The following LAMB1 variants were observed in gnomAD, a reference collection of about 807,000 sequenced individuals.
LAMB1 encodes laminin subunit beta 1.
In LAMB1, 121 loss-of-function variants were observed where a neutral mutation model predicts 222.3. The ratio of observed to expected loss-of-function variants is 0.54; its 90% CI spans 0.47 to 0.63. The LOEUF is 0.63. LAMB1 is among the 30% of genes least tolerant of loss of function. The probability of loss-of-function intolerance (pLI) is 0.00; values close to 1 mark genes in which losing one functional copy is unlikely to be tolerated. For synonymous variants in LAMB1, 794 were observed against 807.2 expected, an observed-to-expected ratio of 0.98 and a Z score of 0.28; for missense variants, 2,172 against 2,240.8, an observed-to-expected ratio of 0.97 and a Z score of 0.62.
chr7:107,963,880 C>T (rs2033566634), intron 14 of LAMB1, among the ~76,000 whole-genome samples: 1 of 152,212 alleles, frequency 6.6e-6, no homozygotes, highest in South Asian at 2.1e-4. Flanking sequence ...GGGCGGATCA[C>T]CTGAGGTCGG....
At chr7:107,930,090 T>C in intron 29 of LAMB1, 1 of 159,278 alleles carries the variant, frequency 6.3e-6, no homozygotes. Context: ...GCTCAGAAAC[T>C]TGTGAATGCA....
chr7:108,002,920 G>A lies in LAMB1; in HGVS notation c.-35C>T, dbSNP rs1397973572. 2 of 1,612,622 alleles carry A rather than the reference G, an allele frequency of 1.2e-6. No homozygotes were observed. On this transcript the variant is annotated 5_prime_UTR_variant, in exon 2 of 34. Transcript: ENST00000222399. ...CTGCAGCCACGGGGACGCGGCAGAG[G>A]AGTGGAGAAGACGCCCGCCGAGCCG...
chr7:107,924,159 T>C (rs1401546005), intron 33 of LAMB1, 71 bp downstream of exon 33: 3 of 1,530,454 alleles, frequency 2.0e-6, no homozygotes, highest in Non-Finnish European at 2.6e-6. Context: ...AGTGAATATA[T>C]TTTTCACTTT....
chr7:107,966,648 G>C (rs1445785487), intron 13 of LAMB1, among the ~76,000 whole-genome samples: 1 of 152,136 alleles, frequency 6.6e-6, no homozygotes, highest in African/African-American at 2.4e-5. Context: ...TACATCATAT[G>C]GACAAAAGAA....
chr7:107,980,919 G>T, intron 7 of LAMB1, 108 bp from the exon 8 acceptor site: 1 of 649,912 alleles, frequency 1.5e-6, no homozygotes, highest in Non-Finnish European at 2.7e-6. Flanking sequence ...CATGAAAATA[G>T]CTTAAGTTCC....
At chr7:107,928,586 C>T (rs957568842) in intron 31 of LAMB1, among the ~76,000 whole-genome samples, 4 of 151,910 alleles carry the variant, frequency 2.6e-5, no homozygotes, top group South Asian at 2.1e-4. Context: ...TCGACCTCCC[C>T]GGTTCAAGCA....
intron 9 of LAMB1, among the ~76,000 whole-genome samples, 199 bp downstream of exon 9, chr7:107,977,847 CA>C (rs969652826): frequency 1.3e-5 from 2 of 152,150 alleles, no homozygotes; most frequent in Non-Finnish European, 2.9e-5. Flanking sequence ...AGCTCAGTGT[CA>C]AACACACAGA....
At chr7:107,992,640 A>C (rs576296955) in intron 5 of LAMB1, among the ~76,000 whole-genome samples, 1 of 152,330 alleles carries the variant, frequency 6.6e-6, no homozygotes, top group South Asian at 2.1e-4. Flanking sequence ...GCACGCCTGT[A>C]ATCCCAGCAC....
intron 9 of LAMB1, 74 bp downstream of exon 9, chr7:107,977,973 T>A: frequency 6.4e-7 from 1 of 1,556,662 alleles, no homozygotes. Flanking sequence ...CAGTACACTG[T>A]TACAGTACCT....
Position 107,955,650 on chromosome 7 carries a change from G to A in LAMB1, c.2691-20C>T, listed in dbSNP as rs755964110. The A allele has an allele frequency of 4.4e-6, 7 of 1,603,036 alleles. No individual in the cohort carries two copies. The South Asian group carries it at 7.8e-5, about 18-fold the overall frequency. On this transcript the variant is annotated intron_variant, in intron 20 of 33. Transcript: ENST00000222399. ...AAGCACCTGCATCAGTCACAGAAGA[G>A]AACAGGCCATGACCCCACAGTTCTA...
chr7:107,987,972 C>T (rs1454839851), intron 5 of LAMB1, among the ~76,000 whole-genome samples: 1 of 152,186 alleles, frequency 6.6e-6, no homozygotes, highest in African/African-American at 2.4e-5. Flanking sequence ...ATGAAATGAT[C>T]AGATTGCACT....
intron 24 of LAMB1, 46 bp downstream of exon 24, chr7:107,951,180 C>G: frequency 9.3e-6 from 13 of 1,398,246 alleles, no homozygotes; most frequent in Non-Finnish European, 1.3e-5. Flanking sequence ...AACCCCAGTT[C>G]CCTCCACTCT....
intron 7 of LAMB1, 33 bp downstream of exon 7, chr7:107,985,989 A>C (rs761073647): frequency 1.3e-6 from 2 of 1,522,064 alleles, no homozygotes; most frequent in Non-Finnish European, 1.8e-6. Context: ...AAACAAACTA[A>C]CAAAAAACAC....
At position 107,935,579 on chromosome 7, in the gene LAMB1, G is replaced by A; in HGVS notation, c.4024C>T (p.Pro1342Ser). 6.2e-7 allele frequency: 1 copy of A among 1,613,866 alleles called. No individual in the cohort carries two copies. ...GCTGACTGCTCCACAGTGCTGTTGG[G>A]TTCTGTGGTGGAGGCATTCACCCTC... ...EERVNASTTE[P>S]NSTVEQSALM... is the part of the protein sequence containing the mutation. The change falls in exon 27 of 34, where the codon CCC becomes TCC. Residue 1342 changes from proline to serine, a missense_variant. Pro to Ser is a moderately conservative substitution (Grantham distance 74). Coordinates refer to ENST00000222399, the MANE Select transcript of LAMB1 (RefSeq NM_002291.3).
intron 13 of LAMB1, among the ~76,000 whole-genome samples, chr7:107,971,401 TA>T (rs1423952006): frequency 6.6e-6 from 1 of 152,214 alleles, no homozygotes; most frequent in African/African-American, 2.4e-5. Flanking sequence ...AATCATCCAG[TA>T]AACATTTCCC....
At chr7:107,925,779 A>T (rs1025043304) in intron 32 of LAMB1, among the ~76,000 whole-genome samples, 1 of 152,074 alleles carries the variant, frequency 6.6e-6, no homozygotes, top group African/African-American at 2.4e-5. Context: ...CTCTGTTCCA[A>T]CCTGCTTGTA....
At chr7:107,979,793 G>A (rs969816618) in intron 8 of LAMB1, among the ~76,000 whole-genome samples, 7 of 152,222 alleles carry the variant, frequency 4.6e-5, no homozygotes, top group African/African-American at 1.7e-4. Flanking sequence ...CCAGCCGTGG[G>A]CAGGGCGCAT....
chr7:107,955,436 C>T (rs1307726653), intron 21 of LAMB1, 31 bp downstream of exon 21: 1 of 1,579,340 alleles, frequency 6.3e-7, no homozygotes, highest in Non-Finnish European at 8.6e-7. Flanking sequence ...TTTTCTCTCT[C>T]TTTGCCTCCC....
At chr7:107,959,150 G>A (rs1011108968) in intron 20 of LAMB1, 99 bp downstream of exon 20, 12 of 900,850 alleles carry the variant, frequency 1.3e-5, no homozygotes, top group Admixed American at 1.3e-4. Flanking sequence ...ATGAATGAGC[G>A]AGCTGAAGCC....
Sources: gnomAD v4.1 joint callset for allele counts (sites outside exome capture counted in the v4.1 genomes callset) on GRCh38, gnomAD v4.1.1 for gene constraint, MANE v1.5 for transcripts, NCBI Gene and HGNC (gene_info 2026-07-23, HGNC 2026-07-21) for gene names.